SLC16A7: variants seen among roughly 807,000 people sequenced by gnomAD.
SLC16A7 encodes the protein solute carrier family 16 member 7.
In SLC16A7, 33 loss-of-function variants were observed where a neutral mutation model predicts 34.9. The observed-to-expected ratio is 0.94, with a 90% confidence interval of 0.72 to 1.26. The LOEUF (loss-of-function observed/expected upper bound fraction) is 1.26, where lower values mean the gene tolerates loss of function less well. Ranked by LOEUF, SLC16A7 falls within the 50% of genes most tolerant of loss-of-function variation. The probability of loss-of-function intolerance (pLI) is 0.00; values close to 1 mark genes in which losing one functional copy is unlikely to be tolerated. For missense variants in SLC16A7, 573 were observed against 578.1 expected (o/e 0.99, Z 0.09); for synonymous variants, 201 against 206.6 (o/e 0.97, Z 0.23).
At chr12:59,737,159 G>A (rs1939363691) in intron 3 of SLC16A7, among the ~76,000 whole-genome samples, 1 of 152,070 alleles carries the variant, frequency 6.6e-6, no homozygotes, top group Non-Finnish European at 1.5e-5. Context: ...GGACATTTAG[G>A]GTCAGCATCA....
rs139704687 is a variant in SLC16A7 at position 59,646,986 on chromosome 12, C to G, written c.-129-8166C>G. Among the ~76,000 whole-genome samples the G allele has an allele frequency of 1.7e-3, 266 of 152,212 alleles. 2 individuals carry two copies. The highest frequency in any genetic ancestry group is 4.6e-3 in the East Asian group (24 of 5,168). On this transcript the variant is annotated intron_variant, in intron 1 of 5. Coordinates refer to ENST00000547379, the MANE Select transcript of SLC16A7 (RefSeq NM_001270623.2). ...GTGTATATACCCAATTCCTGTACCC[C>G]CATTGTATCTAGGAAGTAATTAACA...
At chr12:59,657,466 C>G (rs925739522) in intron 2 of SLC16A7, among the ~76,000 whole-genome samples, 5 of 151,844 alleles carry the variant, frequency 3.3e-5, no homozygotes, top group African/African-American at 1.2e-4. Context: ...AAGTATGCAG[C>G]ACCCTGTAAT....
In SLC16A7 at chr12:59,779,585, C is replaced by A; in HGVS notation, c.1343C>A (p.Ser448Tyr). ...AATGCAAGGCAGAAGACCAGAGAAT[C>A]TGAACCCTTGAGCAAATCTAAACAT... ...EENARQKTRE[S>Y]EPLSKSKHSE... The change falls in exon 6 of 6, where the codon TCT (serine) becomes TAT (tyrosine). Residue 448 changes from serine to tyrosine, a missense_variant. Physicochemically the swap from Ser to Tyr is moderately radical, Grantham distance 144 (BLOSUM62 -2). Coordinates refer to ENST00000547379, the MANE Select transcript of SLC16A7 (RefSeq NM_001270623.2). The A allele has an allele frequency of 6.2e-7, 1 of 1,612,208 alleles. No homozygotes were observed.
rs528083164 is a variant in SLC16A7 at position 59,654,097 on chromosome 12, GTTA to G, written c.-129-1048_-129-1046del. Among the ~76,000 whole-genome samples, 563 of 151,046 alleles carry G rather than the reference GTTA, an allele frequency of 3.7e-3. 7 individuals are homozygous for G. The highest frequency in any genetic ancestry group is 0.017 in the Middle Eastern group (5 of 290). On this transcript the variant is annotated intron_variant, in intron 1 of 5. Coordinates refer to ENST00000547379, the MANE Select transcript of SLC16A7 (RefSeq NM_001270623.2). ...AGTAGCAATATTAATGTTAATTAAT[GTTA>G]TTATTAATAATTATATTTTAATCAA...
At chr12:59,745,577 C>A (rs116903758) in intron 3 of SLC16A7, among the ~76,000 whole-genome samples, 2,494 of 152,260 alleles carry the variant, frequency 0.016, 31 homozygotes, top group Non-Finnish European at 0.021. Context: ...AAAAATAATT[C>A]ACATTCTACC....
At chr12:59,648,613 G>GA (rs1299447086) in intron 1 of SLC16A7, among the ~76,000 whole-genome samples, 1 of 151,990 alleles carries the variant, frequency 6.6e-6, no homozygotes, top group East Asian at 1.9e-4. Flanking sequence ...GCTGAACAGA[G>GA]AAAAAAAGTG....
rs1878433071 is a variant in SLC16A7, at chr12:59,596,896, A to C, written c.-130+660A>C. 6.6e-6 allele frequency among the ~76,000 whole-genome samples: 1 copy of C among 152,160 alleles called. No homozygotes were observed. The highest frequency in any genetic ancestry group is 2.1e-4 in the South Asian group (1 of 4,828). On this transcript the variant is annotated intron_variant, in intron 1 of 5. Transcript: ENST00000547379. This position sits in a 1 kb window ranked among gnomAD's most constrained non-coding sequence, Gnocchi z 5.0. The stretch of plus-strand genomic sequence containing the variant: ...GCAGATGGAAAACTATATGCGGGCG[A>C]GGCCTGAGCCCAGGCAGAAAGGGAC...
intron 3 of SLC16A7, among the ~76,000 whole-genome samples, chr12:59,749,331 G>A (rs1879243633): frequency 6.6e-6 from 1 of 152,154 alleles, no homozygotes; most frequent in South Asian, 2.1e-4. Flanking sequence ...CCCTTTTTCT[G>A]TATTGGTTTC....
intron 1 of SLC16A7, among the ~76,000 whole-genome samples, chr12:59,641,127 A>T (rs1880666089): frequency 6.6e-6 from 1 of 152,130 alleles, no homozygotes; most frequent in Non-Finnish European, 1.5e-5. Context: ...GAAATGGATG[A>T]AATAGCACAT....
chr12:59,771,177 A>G, intron 3 of SLC16A7, 42 bp from the exon 4 acceptor site: 2 of 1,560,438 alleles, frequency 1.3e-6, no homozygotes, highest in African/African-American at 1.4e-5. Flanking sequence ...CAAATAAATG[A>G]CAAGAGCAAC....
chr12:59,668,136 T>C (rs1592457430), intron 2 of SLC16A7, among the ~76,000 whole-genome samples: 1 of 152,194 alleles, frequency 6.6e-6, no homozygotes, highest in East Asian at 1.9e-4. Context: ...GCTAGGGCAG[T>C]GCAGCAGGGA....
intron 2 of SLC16A7, among the ~76,000 whole-genome samples, chr12:59,697,541 G>T (rs1872448694): frequency 6.6e-6 from 1 of 151,566 alleles, no homozygotes; most frequent in African/African-American, 2.4e-5. Context: ...AATTTGGATG[G>T]TGGCCTCATC....
At chr12:59,671,649 C>T (rs1555167517) in intron 2 of SLC16A7, among the ~76,000 whole-genome samples, 1 of 149,034 alleles carries the variant, frequency 6.7e-6, no homozygotes, top group Non-Finnish European at 1.5e-5. Flanking sequence ...CCTTTGACTA[C>T]AGTGCTCTTT....
chr12:59,766,236 A>C (rs1881613197), intron 3 of SLC16A7, among the ~76,000 whole-genome samples: 1 of 152,188 alleles, frequency 6.6e-6, no homozygotes, highest in African/African-American at 2.4e-5. Flanking sequence ...TTGGGCTGAG[A>C]CATTGGGGTT....
intron 3 of SLC16A7, among the ~76,000 whole-genome samples, chr12:59,746,165 A>T (rs1224274125): frequency 1.3e-5 from 2 of 152,234 alleles, no homozygotes; most frequent in Non-Finnish European, 2.9e-5. Context: ...AGGAGAAAAG[A>T]AATAACTGTC....
chr12:59,654,459 G>A (rs1297647988), intron 1 of SLC16A7, among the ~76,000 whole-genome samples: 1 of 151,630 alleles, frequency 6.6e-6, no homozygotes, highest in Non-Finnish European at 1.5e-5. Flanking sequence ...AAGTAAAGAA[G>A]TTGGACAGAG....
intron 1 of SLC16A7, among the ~76,000 whole-genome samples, chr12:59,648,930 G>T (rs1253782935): frequency 1.3e-5 from 2 of 152,110 alleles, no homozygotes; most frequent in African/African-American, 4.8e-5. Context: ...TGGGATTTTG[G>T]AATCAGGAGA....
intron 1 of SLC16A7, among the ~76,000 whole-genome samples, chr12:59,612,164 C>T (rs1441574305): frequency 2.6e-5 from 4 of 152,244 alleles, no homozygotes; most frequent in African/African-American, 9.6e-5. Flanking sequence ...CTTGCCCCTG[C>T]AGCAAACTTC....
intron 3 of SLC16A7, chr12:59,720,007 A>T: frequency 1.5e-6 from 1 of 675,748 alleles, no homozygotes. Context: ...CTGACTTTGA[A>T]TCTCATGTTT....
Sources: allele counts gnomAD v4.1 joint callset (sites outside exome capture counted in the v4.1 genomes callset), GRCh38; gene constraint gnomAD v4.1.1; non-coding constraint Gnocchi (gnomAD v3.1); transcripts MANE v1.5; gene names NCBI Gene and HGNC (gene_info 2026-07-23, HGNC 2026-07-21).